The following TMEM131L variants were observed in gnomAD, a reference collection of about 807,000 sequenced individuals.
TMEM131L encodes the protein transmembrane protein 131-like.
In TMEM131L, 54 loss-of-function variants were observed where a neutral mutation model predicts 192.2. The ratio of observed to expected loss-of-function variants is 0.28; its 90% CI spans 0.23 to 0.35. TMEM131L has a LOEUF of 0.35. TMEM131L is among the 10% of genes least tolerant of loss of function. The pLI is 1.00. For synonymous variants in TMEM131L, 701 were observed against 704.9 expected, an observed-to-expected ratio of 0.99 and a Z score of 0.09; for missense variants, 1,888 against 1,972.9, an observed-to-expected ratio of 0.96 and a Z score of 0.82.
At chr4:153,607,733 G>A (rs7687759) in intron 25 of TMEM131L, among the ~76,000 whole-genome samples, 103,704 of 152,096 alleles carry the variant, frequency 0.68, 37,221 homozygotes, top group African/African-American at 0.92. Flanking sequence ...CCCCACCCCC[G>A]GGTGTAGCTT....
intron 19 of TMEM131L, among the ~76,000 whole-genome samples, chr4:153,595,521 CAT>C (rs1731368176): frequency 6.6e-6 from 1 of 151,892 alleles, no homozygotes; most frequent in Non-Finnish European, 1.5e-5. Flanking sequence ...ATAACTGAAA[CAT>C]AAAATTAAAA....
At position 153,557,015 on chromosome 4, in the gene TMEM131L, C is replaced by G. The variant is rs750331533; in HGVS notation, c.482C>G (p.Thr161Ser). 6.2e-7 allele frequency: 1 copy of G among 1,602,836 alleles called. No homozygotes were observed. Among genetic ancestry groups the G allele is most frequent in the Non-Finnish European group, 8.5e-7 (1 of 1,170,858 alleles). The change falls in exon 6 of 35, where the codon ACT becomes AGT. Residue 161 changes from threonine (T) to serine (S), a missense_variant. By Grantham distance (58) the Thr-to-Ser change is moderately conservative (BLOSUM62 1). Transcript: ENST00000409959. ...TCCTTCAGAATTATTTTCTTACCTA[C>G]TGAAGAAGGAAGCATTGAAAGTTCC... is the stretch of plus-strand genomic sequence containing the variant. Reference protein sequence around the residue: ...KTSFRIIFLPTEEGSIESSLF... With the variant: ...KTSFRIIFLPSEEGSIESSLF...
chr4:153,469,127 G>A lies in TMEM131L; in HGVS notation c.195+1846G>A, dbSNP rs192488990. On this transcript the variant is annotated intron_variant, in intron 2 of 34. Coordinates refer to ENST00000409959, the MANE Select transcript of TMEM131L (RefSeq NM_001131007.2). ...AATACAATTTGTTTTGATAATAGAT[G>A]TCAGAATTCAGAAGCTGTCTGGGAT... is the stretch of plus-strand genomic sequence containing the variant. 2.0e-5 allele frequency among the ~76,000 whole-genome samples: 3 copies of A among 152,262 alleles called. No individual in the cohort carries two copies. The East Asian group carries it at 5.8e-4, about 29-fold the overall frequency.
intron 3 of TMEM131L, among the ~76,000 whole-genome samples, chr4:153,474,305 T>C (rs1344200363): frequency 6.6e-6 from 1 of 152,230 alleles, no homozygotes; most frequent in Non-Finnish European, 1.5e-5. Context: ...AGAATTAGTT[T>C]CCTGTAGTAG....
intron 7 of TMEM131L, among the ~76,000 whole-genome samples, chr4:153,566,292 C>T (rs1393861062): frequency 1.3e-5 from 2 of 151,976 alleles, no homozygotes; most frequent in Non-Finnish European, 2.9e-5. Flanking sequence ...CCCGCAAGCA[C>T]GCCCAGATAA....
intron 20 of TMEM131L, among the ~76,000 whole-genome samples, chr4:153,598,337 G>T (rs971705555): frequency 1.3e-5 from 2 of 152,096 alleles, no homozygotes; most frequent in South Asian, 2.1e-4. Flanking sequence ...TTGGAAGGGG[G>T]TCATCATTGT....
At chr4:153,513,814 AC>A (rs1174742147) in intron 3 of TMEM131L, among the ~76,000 whole-genome samples, 1 of 152,068 alleles carries the variant, frequency 6.6e-6, no homozygotes. Context: ...CCTCTTTATG[AC>A]CCTCTCTATG....
intron 1 of TMEM131L, 49 bp downstream of exon 1, chr4:153,466,570 CTCTT>C: frequency 7.9e-7 from 1 of 1,272,266 alleles, no homozygotes; most frequent in East Asian, 3.2e-5. Flanking sequence ...CCCGCCCCCG[CTCTT>C]TCTTTTAGGG....
At chr4:153,628,719 C>CT (rs1014946328) in intron 31 of TMEM131L, among the ~76,000 whole-genome samples, 22 of 152,224 alleles carry the variant, frequency 1.4e-4, no homozygotes, top group Admixed American at 5.2e-4. Context: ...ATGGTACTAC[C>CT]TTTTTTTCTG....
chr4:153,495,457 A>G (rs1343716799), intron 3 of TMEM131L, among the ~76,000 whole-genome samples: 2 of 152,162 alleles, frequency 1.3e-5, no homozygotes, highest in African/African-American at 4.8e-5. Context: ...ATGAGACATC[A>G]ATGAGTAGGT....
chr4:153,563,189 G>C (rs537227936), intron 7 of TMEM131L, among the ~76,000 whole-genome samples: 1 of 152,310 alleles, frequency 6.6e-6, no homozygotes, highest in Admixed American at 6.5e-5. Flanking sequence ...TCATCCATCT[G>C]TGAAATGCTG....
chr4:153,495,327 A>G (rs907767787), intron 3 of TMEM131L, among the ~76,000 whole-genome samples: 1 of 152,040 alleles, frequency 6.6e-6, no homozygotes, highest in Non-Finnish European at 1.5e-5. Flanking sequence ...CTGAAAACAA[A>G]AAAAAAAAAC....
chr4:153,505,757 A>T (rs1199328835), intron 3 of TMEM131L, among the ~76,000 whole-genome samples: 2 of 152,200 alleles, frequency 1.3e-5, no homozygotes, highest in Non-Finnish European at 2.9e-5. Context: ...CAGCGAAATC[A>T]TACAAATTCA....
intron 7 of TMEM131L, among the ~76,000 whole-genome samples, chr4:153,559,594 G>A (rs562403302): frequency 1.2e-4 from 19 of 152,190 alleles, no homozygotes; most frequent in East Asian, 9.7e-4. Flanking sequence ...CTAGAACAGC[G>A]TACCCATTCT....
chr4:153,610,898 T>C (rs545510099), intron 25 of TMEM131L, among the ~76,000 whole-genome samples: 1 of 152,334 alleles, frequency 6.6e-6, no homozygotes, highest in East Asian at 1.9e-4. Flanking sequence ...TCTAGACGTC[T>C]CAAATTTCAA....
At chr4:153,527,416 G>A (rs1735575457) in intron 3 of TMEM131L, among the ~76,000 whole-genome samples, 1 of 152,034 alleles carries the variant, frequency 6.6e-6, no homozygotes, top group Admixed American at 6.6e-5. Flanking sequence ...GAGATTTCAG[G>A]TGTGCACCAC....
intron 33 of TMEM131L, among the ~76,000 whole-genome samples, chr4:153,634,697 CT>C (rs2126940957): frequency 6.6e-6 from 1 of 152,226 alleles, no homozygotes; most frequent in South Asian, 2.1e-4. Context: ...CTTCTCTGCC[CT>C]TGGGTGGTGC....
chr4:153,636,024 C>T (rs1016774304), intron 34 of TMEM131L, among the ~76,000 whole-genome samples: 1 of 152,154 alleles, frequency 6.6e-6, no homozygotes, highest in African/African-American at 2.4e-5. Flanking sequence ...TCTCCTTTCA[C>T]ATCCGCTTGA....
At chr4:153,506,614 G>C (rs2150037890) in intron 3 of TMEM131L, among the ~76,000 whole-genome samples, 1 of 152,158 alleles carries the variant, frequency 6.6e-6, no homozygotes, top group South Asian at 2.1e-4. Context: ...AGGCCAAGGG[G>C]GGGACTCATC....
Sources: allele counts gnomAD v4.1 joint callset (sites outside exome capture counted in the v4.1 genomes callset), GRCh38; gene constraint gnomAD v4.1.1; transcripts MANE v1.5; gene names NCBI Gene and HGNC (gene_info 2026-07-23, HGNC 2026-07-21).